The following EPS15 variants were observed in gnomAD, a reference collection of about 807,000 sequenced individuals.
The protein encoded by EPS15 is epidermal growth factor receptor substrate 15.
EPS15 carries 72 observed loss-of-function variants against 113.8 expected under a neutral mutation model. That is an observed-to-expected ratio of 0.63 (90% confidence interval 0.52 to 0.77). The LOEUF (loss-of-function observed/expected upper bound fraction) is 0.77. EPS15 is among the 30% of genes least tolerant of loss of function. The probability of loss-of-function intolerance (pLI) is 0.00; values close to 1 mark genes in which losing one functional copy is unlikely to be tolerated. For missense variants in EPS15, 1,048 were observed against 1,045.8 expected (o/e 1.00, Z -0.03); for synonymous variants, 344 against 363.4 (o/e 0.95, Z 0.61).
At chr1:51,512,303 A>C (rs1644635069) in intron 1 of EPS15, among the ~76,000 whole-genome samples, 1 of 152,230 alleles carries the variant, frequency 6.6e-6, no homozygotes, top group South Asian at 2.1e-4. Context: ...TGCACTTAAG[A>C]GGTTAAGTAA....
intron 12 of EPS15, among the ~76,000 whole-genome samples, chr1:51,429,551 T>C (rs1425471273): frequency 6.6e-6 from 1 of 151,962 alleles, no homozygotes; most frequent in Non-Finnish European, 1.5e-5. Context: ...GGAAGGTTCA[T>C]GTGTGGTTAA....
chr1:51,478,248 T>C (rs1333793216), intron 2 of EPS15, among the ~76,000 whole-genome samples: 1 of 152,204 alleles, frequency 6.6e-6, no homozygotes, highest in African/African-American at 2.4e-5. Flanking sequence ...TGGTTTAAAG[T>C]CTGTTTTATC....
intron 24 of EPS15, among the ~76,000 whole-genome samples, chr1:51,360,843 T>C (rs78578143): frequency 1.3e-3 from 201 of 152,246 alleles, no homozygotes; most frequent in African/African-American, 4.7e-3. Context: ...GACTCTGTAA[T>C]TGTTCATTAA....
At chr1:51,390,845 G>T (rs1396376211) in intron 21 of EPS15, among the ~76,000 whole-genome samples, 1 of 152,160 alleles carries the variant, frequency 6.6e-6, no homozygotes, top group Non-Finnish European at 1.5e-5. Context: ...GGAGAAACAG[G>T]AACATTTTTA....
intron 11 of EPS15, among the ~76,000 whole-genome samples, chr1:51,443,459 G>A (rs1557474668): frequency 6.6e-6 from 1 of 151,424 alleles, no homozygotes; most frequent in East Asian, 1.9e-4. Context: ...ACAACTTAAG[G>A]GACTCATGTC....
At chr1:51,385,558 T>A (rs964865334) in intron 21 of EPS15, among the ~76,000 whole-genome samples, 3 of 152,170 alleles carry the variant, frequency 2.0e-5, no homozygotes, top group Non-Finnish European at 4.4e-5. Context: ...ACTTTTAGAA[T>A]TATACCCAAA....
rs370071422 is a variant in EPS15, at chr1:51,356,863, C to T, written c.2545-17G>A. 4.3e-5 allele frequency: 68 copies of T among 1,591,078 alleles called. No individual in the cohort carries two copies. The highest frequency in any genetic ancestry group is 1.2e-4 in the African/African-American group (9 of 73,338). ...AGAGGGATACTGCCATTTAAAAGAT[C>T]GATGAACAAACGAATAAATAAATGA... On this transcript the variant is annotated splice_polypyrimidine_tract_variant and intron_variant, in intron 24 of 24. Coordinates refer to ENST00000371733, the MANE Select transcript of EPS15 (RefSeq NM_001981.3).
At chr1:51,388,429 ACAC>A (rs1223522015) in intron 21 of EPS15, among the ~76,000 whole-genome samples, 1 of 152,210 alleles carries the variant, frequency 6.6e-6, no homozygotes, top group African/African-American at 2.4e-5. Context: ...GCAAGAGCAA[ACAC>A]ATTCAAAAGC....
At chr1:51,410,853 C>T (rs539056115) in intron 13 of EPS15, among the ~76,000 whole-genome samples, 2 of 152,332 alleles carry the variant, frequency 1.3e-5, no homozygotes, top group South Asian at 2.1e-4. Context: ...ACTTTAAATG[C>T]TACTTAAAAT....
intron 1 of EPS15, among the ~76,000 whole-genome samples, chr1:51,494,799 T>C (rs939194589): frequency 3.9e-5 from 6 of 152,216 alleles, no homozygotes; most frequent in Non-Finnish European, 5.9e-5. Flanking sequence ...AATTTCCCTT[T>C]TTATAAGGAT....
At chr1:51,432,515 G>T (rs1015409337) in intron 12 of EPS15, among the ~76,000 whole-genome samples, 2 of 151,730 alleles carry the variant, frequency 1.3e-5, no homozygotes, top group African/African-American at 4.8e-5. Flanking sequence ...AAAATAAAAA[G>T]AAATGAGTGA....
chr1:51,431,765 T>C (rs1003137363), intron 12 of EPS15, among the ~76,000 whole-genome samples: 1 of 152,082 alleles, frequency 6.6e-6, no homozygotes, highest in South Asian at 2.1e-4. Context: ...AAATTTATTT[T>C]GCAAATCCAT....
chr1:51,452,353 G>C (rs184256182), intron 8 of EPS15, among the ~76,000 whole-genome samples: 3 of 152,274 alleles, frequency 2.0e-5, no homozygotes, highest in Admixed American at 6.5e-5. Flanking sequence ...CGAGAACACA[G>C]CTTGCTGCAG....
intron 12 of EPS15, chr1:51,423,289 C>A (rs1481526235): frequency 1.6e-6 from 2 of 1,286,854 alleles, no homozygotes; most frequent in East Asian, 5.6e-5. Flanking sequence ...TGTTGCAGCC[C>A]GATCCTTCCA....
chr1:51,394,923 T>C (rs1206963277), intron 20 of EPS15, among the ~76,000 whole-genome samples: 1 of 152,202 alleles, frequency 6.6e-6, no homozygotes, highest in Non-Finnish European at 1.5e-5. Flanking sequence ...AGTGGTGTGA[T>C]CACAGCTTAC....
chr1:51,376,990 G>A (rs1646815440), intron 21 of EPS15, among the ~76,000 whole-genome samples: 1 of 152,170 alleles, frequency 6.6e-6, no homozygotes, highest in Non-Finnish European at 1.5e-5. Flanking sequence ...CTCAGGCCGG[G>A]TGTAGTGGCT....
At chr1:51,455,034 C>T (rs1653871919) in intron 8 of EPS15, among the ~76,000 whole-genome samples, 1 of 152,096 alleles carries the variant, frequency 6.6e-6, no homozygotes, top group Admixed American at 6.5e-5. Context: ...AGGATCTTGT[C>T]AAACTCTAAA....
chr1:51,474,205 G>A (rs1655439018), intron 2 of EPS15, among the ~76,000 whole-genome samples: 1 of 152,178 alleles, frequency 6.6e-6, no homozygotes, highest in Non-Finnish European at 1.5e-5. Context: ...CTTGCCTAAA[G>A]GCTCTGCCAT....
intron 7 of EPS15, chr1:51,461,905 T>A (rs894606315): frequency 2.0e-5 from 3 of 152,196 alleles, no homozygotes; most frequent in Admixed American, 6.5e-5. Flanking sequence ...GGACTTAACA[T>A]TCATTATCAC....
Sources: allele counts gnomAD v4.1 joint callset (sites outside exome capture counted in the v4.1 genomes callset), GRCh38; gene constraint gnomAD v4.1.1; transcripts MANE v1.5; gene names NCBI Gene and HGNC (gene_info 2026-07-23, HGNC 2026-07-21).